The following TAFA2 variants were observed in gnomAD, a reference collection of about 807,000 sequenced individuals.
TAFA2 encodes the protein chemokine-like protein TAFA-2.
Under a neutral mutation model 18.8 loss-of-function variants are expected in TAFA2, and 7 were observed. The observed-to-expected ratio is 0.37, with a 90% CI of 0.21 to 0.70. The LOEUF is 0.70. Ranked by LOEUF, TAFA2 falls within the 30% of genes least tolerant of loss-of-function variation. The probability of loss-of-function intolerance (pLI) is 0.53; values close to 1 mark genes in which losing one functional copy is unlikely to be tolerated. For missense variants in TAFA2, 122 were observed against 158.1 expected (o/e 0.77, Z 1.23); for synonymous variants, 60 against 54.2 (o/e 1.11, Z -0.47).
chr12:61,770,378 C>T (rs1869974503), intron 2 of TAFA2, among the ~76,000 whole-genome samples: 1 of 152,034 alleles, frequency 6.6e-6, no homozygotes, highest in Non-Finnish European at 1.5e-5. Context: ...ATACAAGAAG[C>T]TCAAAGTACA....
intron 1 of TAFA2, chr12:62,104,742 A>G (rs757431441): frequency 4.4e-6 from 2 of 455,244 alleles, no homozygotes; most frequent in East Asian, 1.4e-4. Context: ...TCCTAAATTT[A>G]CCTGGTAATC....
intron 1 of TAFA2, among the ~76,000 whole-genome samples, chr12:62,108,274 G>A (rs1438034713): frequency 2.0e-5 from 3 of 152,098 alleles, no homozygotes; most frequent in Non-Finnish European, 4.4e-5. Context: ...TGCTGAGAAT[G>A]ATGGTTTCCA....
At chr12:61,730,527 C>T (rs1365718356) in intron 4 of TAFA2, among the ~76,000 whole-genome samples, 1 of 152,018 alleles carries the variant, frequency 6.6e-6, no homozygotes, top group Non-Finnish European at 1.5e-5. Context: ...GAAAGACCAT[C>T]AAGTGGGTGC....
intron 1 of TAFA2, among the ~76,000 whole-genome samples, chr12:62,151,827 G>A (rs1441799056): frequency 2.6e-5 from 4 of 152,064 alleles, no homozygotes; most frequent in African/African-American, 4.8e-5. Flanking sequence ...GTATATTTAC[G>A]GGGTTAAGAA....
chr12:62,124,280 A>T (rs998170908), intron 1 of TAFA2, among the ~76,000 whole-genome samples: 1 of 151,148 alleles, frequency 6.6e-6, no homozygotes, highest in Admixed American at 6.7e-5. Context: ...TAAGGTCTCT[A>T]AGTAAGATTT....
chr12:61,799,289 C>T (rs932426712), intron 2 of TAFA2, among the ~76,000 whole-genome samples: 1 of 151,988 alleles, frequency 6.6e-6, no homozygotes, highest in Non-Finnish European at 1.5e-5. Context: ...TGTATTTTTT[C>T]CACTTTTGAG....
At position 61,775,488 on chromosome 12, in the gene TAFA2, T is replaced by C. The variant is rs1228543909; in HGVS notation, c.107-20464A>G. On this transcript the variant is annotated intron_variant, in intron 2 of 4. Coordinates refer to ENST00000416284, the MANE Select transcript of TAFA2 (RefSeq NM_178539.5). ...CTAAAAAAAATGAGCTATCAAGCCA[T>C]GAAAAGACATGGAGAAAACTTAAAT... is the stretch of plus-strand genomic sequence containing the variant. Among the ~76,000 whole-genome samples, 4 of 151,926 alleles carry C rather than the reference T, an allele frequency of 2.6e-5. No homozygotes were observed. The East Asian group carries it at 7.8e-4, about 30-fold the overall frequency.
chr12:61,971,289 CAA>C (rs918987267), intron 1 of TAFA2, among the ~76,000 whole-genome samples: 1 of 151,596 alleles, frequency 6.6e-6, no homozygotes, highest in African/African-American at 2.4e-5. Context: ...TGAATCCACA[CAA>C]AGTCTTGTTA....
chr12:61,800,568 A>T (rs754152453), intron 2 of TAFA2, among the ~76,000 whole-genome samples: 1 of 152,204 alleles, frequency 6.6e-6, no homozygotes, highest in African/African-American at 2.4e-5. Flanking sequence ...TTGCTACAAC[A>T]GTGAAATCTA....
intron 1 of TAFA2, among the ~76,000 whole-genome samples, chr12:62,044,144 T>TA (rs34283857): frequency 0.013 from 1,849 of 146,598 alleles, 35 homozygotes; most frequent in African/African-American, 0.037. Flanking sequence ...CAGTGGGTGT[T>TA]AAAAAAAAAA....
intron 4 of TAFA2, among the ~76,000 whole-genome samples, chr12:61,746,109 G>A (rs905763221): frequency 2.6e-4 from 40 of 152,180 alleles, no homozygotes; most frequent in African/African-American, 8.7e-4. Context: ...ATCCCCACAT[G>A]TCAAGGGTGA....
intron 1 of TAFA2, among the ~76,000 whole-genome samples, chr12:62,222,688 TTA>T (rs2062768864): frequency 6.6e-6 from 1 of 150,662 alleles, no homozygotes; most frequent in African/African-American, 2.4e-5. Flanking sequence ...TTTTTTTTTT[TTA>T]TTTTTAGTAG....
chr12:62,093,976 G>A (rs1868834344), intron 1 of TAFA2, among the ~76,000 whole-genome samples: 1 of 152,054 alleles, frequency 6.6e-6, no homozygotes, highest in Non-Finnish European at 1.5e-5. Flanking sequence ...TTGAGCAACT[G>A]AAGCAAGGTT....
chr12:62,153,541 G>A (rs1048811188), intron 1 of TAFA2, among the ~76,000 whole-genome samples: 3 of 151,848 alleles, frequency 2.0e-5, no homozygotes, highest in Admixed American at 6.6e-5. Flanking sequence ...GTGATAACGC[G>A]CAACTGTCAT....
At chr12:62,038,718 C>T (rs1881677363) in intron 1 of TAFA2, among the ~76,000 whole-genome samples, 3 of 152,098 alleles carry the variant, frequency 2.0e-5, no homozygotes, top group Admixed American at 2.0e-4. Flanking sequence ...AATACCAAGA[C>T]TTTCACTTCA....
chr12:61,950,814 G>A (rs1351538422), intron 1 of TAFA2, among the ~76,000 whole-genome samples: 1 of 152,134 alleles, frequency 6.6e-6, no homozygotes, highest in Non-Finnish European at 1.5e-5. Context: ...ATAACCAGTA[G>A]ATAGTAGATG....
intron 1 of TAFA2, among the ~76,000 whole-genome samples, chr12:61,912,753 A>G (rs1876662739): frequency 6.6e-6 from 1 of 152,246 alleles, no homozygotes; most frequent in South Asian, 2.1e-4. Flanking sequence ...TTGCCTCTTC[A>G]AAAAGATTTT....
At chr12:61,848,197 T>G (rs898356966) in intron 2 of TAFA2, among the ~76,000 whole-genome samples, 8 of 152,168 alleles carry the variant, frequency 5.3e-5, no homozygotes, top group African/African-American at 1.9e-4. Context: ...TATGGGCAAA[T>G]AAATCGGAGC....
At chr12:62,185,321 C>G (rs187918908) in intron 1 of TAFA2, among the ~76,000 whole-genome samples, 222 of 152,284 alleles carry the variant, frequency 1.5e-3, no homozygotes, top group Middle Eastern at 0.01. Context: ...CTCCCCTTGG[C>G]CTTTGAATTG....
Sources: gnomAD v4.1 joint callset for allele counts (sites outside exome capture counted in the v4.1 genomes callset) on GRCh38, gnomAD v4.1.1 for gene constraint, MANE v1.5 for transcripts, NCBI Gene and HGNC (gene_info 2026-07-23, HGNC 2026-07-21) for gene names.